Variants in KIF3C observed in about 807,000 individuals in gnomAD.
The protein encoded by KIF3C is kinesin family member 3C.
In KIF3C, 12 loss-of-function variants were observed where a neutral mutation model predicts 67.7. That is an observed-to-expected ratio of 0.18 (90% CI 0.11 to 0.29). The LOEUF (loss-of-function observed/expected upper bound fraction) is 0.29, where lower values mean the gene tolerates loss of function less well. Among genes scored for constraint, KIF3C ranks in the 10% least tolerant of loss-of-function variants. The pLI, the probability that KIF3C is intolerant of heterozygous loss-of-function variation, is 1.00. For synonymous variants in KIF3C, 393 were observed against 426.2 expected (o/e 0.92, Z 0.96); for missense variants, 789 against 1,059.6 (o/e 0.74, Z 3.55).
intron 7 of KIF3C, 100 bp downstream of exon 7, chr2:25,929,204 TG>T: frequency 6.9e-7 from 1 of 1,459,842 alleles, no homozygotes; most frequent in Non-Finnish European, 9.5e-7. Context: ...TTGCCCTTCC[TG>T]CCCTTCGGGT....
At position 25,927,102 on chromosome 2, in the gene KIF3C, G is replaced by A; in HGVS notation, c.*1876C>T. On this transcript the variant is annotated 3_prime_UTR_variant, in exon 8 of 8. Transcript: ENST00000264712. ...AGCTCCTCCTCCGACCATACCTCGG[G>A]CCCAGCCCTCGGACTGGGGGGGCTG... 6.5e-6 allele frequency: 1 copy of A among 152,756 alleles called. No individual in the cohort carries two copies. The highest frequency in any genetic ancestry group is 1.5e-5 in the Non-Finnish European group (1 of 68,060). The allele number at this position is 152,756 out of a possible 1,614,324, so 9.5% of individuals were successfully genotyped here.
chr2:25,939,119 C>G (rs995302604), intron 5 of KIF3C, among the ~76,000 whole-genome samples: 1 of 152,144 alleles, frequency 6.6e-6, no homozygotes, highest in Non-Finnish European at 1.5e-5. Flanking sequence ...AGGTGACAGC[C>G]ATCACATCTA....
chr2:25,981,754 G>A lies in KIF3C; in HGVS notation c.164C>T (p.Pro55Leu), dbSNP rs774980554. 1.2e-6 allele frequency: 2 copies of A among 1,613,764 alleles called. No homozygotes were observed. Among genetic ancestry groups the A allele is most frequent in the Non-Finnish European group, 1.7e-6 (2 of 1,179,850 alleles). ...CACGGCGTCAAAGGTGAAGGTCTTG[G>A]GCAGCTCCCCCGGGGCGGCGCGGGG... is the stretch of plus-strand genomic sequence containing the variant. ...RNPRAAPGEL[P>L]KTFTFDAVYD... Residue 55 changes from proline to leucine, a missense_variant, in exon 1 of 8, where the codon CCC becomes CTC. Transcript: ENST00000264712. The surrounding 1 kb of genome is among the most constrained non-coding windows in gnomAD (Gnocchi z 8.2).
At chr2:25,961,807 G>A (rs1480258147) in intron 1 of KIF3C, among the ~76,000 whole-genome samples, 7 of 152,164 alleles carry the variant, frequency 4.6e-5, no homozygotes, top group Non-Finnish European at 7.4e-5. Context: ...GGCTTAGGCC[G>A]GGCGCAGTGG....
chr2:25,981,311 C>T lies in KIF3C; in HGVS notation c.607G>A (p.Ala203Thr). The T allele has an allele frequency of 1.2e-6, 2 of 1,614,050 alleles. No homozygotes were observed. The change falls in exon 1 of 8, where the codon GCT (alanine) becomes ACT (threonine). Residue 203 changes from alanine (A) to threonine (T), a missense_variant. Ala to Thr is a moderately conservative substitution (Grantham distance 58, BLOSUM62 0). Transcript: ENST00000264712. This position sits in a 1 kb window ranked among gnomAD's most constrained non-coding sequence, Gnocchi z 8.2. ...TCATTCATGTGGGTGCTGCCCACAG[C>T]CCGGGTCTGGTTCCCCAGGTTCATC... ...HVMNLGNQTRAVGSTHMNEVS... is the reference protein window; with the variant it reads ...HVMNLGNQTRTVGSTHMNEVS...
At chr2:25,974,877 T>G (rs1165147869) in intron 1 of KIF3C, among the ~76,000 whole-genome samples, 1 of 151,698 alleles carries the variant, frequency 6.6e-6, no homozygotes, top group Non-Finnish European at 1.5e-5. Flanking sequence ...AAATATAAAA[T>G]TAGCTGGGTG....
intron 4 of KIF3C, among the ~76,000 whole-genome samples, chr2:25,952,995 G>A (rs1574487130): frequency 6.6e-6 from 1 of 152,022 alleles, no homozygotes; most frequent in East Asian, 1.9e-4. Flanking sequence ...GTGGCCAGGC[G>A]AGGTGGCTCA....
intron 1 of KIF3C, among the ~76,000 whole-genome samples, chr2:25,963,034 A>AAT (rs1553715969): frequency 8.0e-5 from 5 of 62,392 alleles, no homozygotes; most frequent in South Asian, 3.6e-4. Context: ...TATAATATAT[A>AAT]ATATATAATA....
At chr2:25,977,817 C>G (rs746867827) in intron 1 of KIF3C, among the ~76,000 whole-genome samples, 1 of 152,160 alleles carries the variant, frequency 6.6e-6, no homozygotes, top group Non-Finnish European at 1.5e-5. Flanking sequence ...TAGAAACATC[C>G]GACACTGAAC....
chr2:25,957,949 CACAG>C (rs1663850145), intron 1 of KIF3C, among the ~76,000 whole-genome samples: 1 of 152,200 alleles, frequency 6.6e-6, no homozygotes, highest in Non-Finnish European at 1.5e-5. Context: ...ATTGCCTTGC[CACAG>C]ACCTAAACCC....
At chr2:25,964,766 C>T (rs1162900499) in intron 1 of KIF3C, among the ~76,000 whole-genome samples, 2 of 152,208 alleles carry the variant, frequency 1.3e-5, no homozygotes, top group African/African-American at 4.8e-5. Flanking sequence ...ACCAACTCAC[C>T]CAGTTCTTGA....
rs1663268138 is a variant in KIF3C, at chr2:25,940,898, C to A, written c.2007-10835G>T. On this transcript the variant is annotated intron_variant, in intron 5 of 7. Coordinates refer to ENST00000264712, the MANE Select transcript of KIF3C (RefSeq NM_002254.8). ...AAACTCCTGACCTCAGGTTATCTGCCCGTCTCAGCCTCCCAAAGTGCTGGG... is the reference window on the plus strand; with the variant it reads ...AAACTCCTGACCTCAGGTTATCTGCACGTCTCAGCCTCCCAAAGTGCTGGG... Among the ~76,000 whole-genome samples, 3 of 151,950 alleles carry A rather than the reference C, an allele frequency of 2.0e-5. No individual in the cohort carries two copies. The South Asian group carries it at 6.2e-4, about 31-fold the overall frequency.
chr2:25,935,882 C>T (rs1161626911), intron 5 of KIF3C, among the ~76,000 whole-genome samples: 2 of 151,668 alleles, frequency 1.3e-5, no homozygotes, highest in Non-Finnish European at 2.9e-5. Flanking sequence ...TTGAGACCAT[C>T]CTGGCTAACA....
chr2:25,952,790 T>G (rs1420171158), intron 4 of KIF3C, among the ~76,000 whole-genome samples: 1 of 151,726 alleles, frequency 6.6e-6, no homozygotes, highest in Non-Finnish European at 1.5e-5. Context: ...ACTCCCGACC[T>G]CAGGTGATCC....
intron 5 of KIF3C, among the ~76,000 whole-genome samples, chr2:25,942,368 G>A (rs1663303754): frequency 6.6e-6 from 1 of 151,516 alleles, no homozygotes; most frequent in Non-Finnish European, 1.5e-5. Flanking sequence ...AAAAATAAAA[G>A]GTTGTACTTG....
chr2:25,937,118 A>G (rs1017031989), intron 5 of KIF3C, among the ~76,000 whole-genome samples: 1 of 152,224 alleles, frequency 6.6e-6, no homozygotes, highest in Admixed American at 6.5e-5. Context: ...TTTATTTTCA[A>G]TTCCACTTGC....
intron 1 of KIF3C, among the ~76,000 whole-genome samples, chr2:25,963,122 A>T (rs2149238466): frequency 9.5e-6 from 1 of 105,542 alleles, no homozygotes; most frequent in African/African-American, 3.6e-5. Context: ...ACATAGATAC[A>T]TGTATATGTA....
In KIF3C at chr2:25,980,420, G is replaced by C. The variant is rs1363515441; in HGVS notation, c.1498C>G (p.Leu500Val). The C allele has an allele frequency of 6.2e-7, 1 of 1,613,926 alleles. No homozygotes were observed. Among genetic ancestry groups the C allele is most frequent in the African/African-American group, 1.3e-5 (1 of 74,896 alleles). Residue 500 changes from leucine (L) to valine (V), a missense_variant, in exon 1 of 8, where the codon CTG becomes GTG. Physicochemically the swap from Leu to Val is conservative, Grantham distance 32 (BLOSUM62 1). Coordinates refer to ENST00000264712, the MANE Select transcript of KIF3C (RefSeq NM_002254.8). This position sits in a 1 kb window ranked among gnomAD's most constrained non-coding sequence, Gnocchi z 7.6. ...LEEKEKMLEDLRREQQATELL... is the reference protein window; with the variant it reads ...LEEKEKMLEDVRREQQATELL... Reference sequence around the variant, plus strand: ...TCTGTGGCCTGCTGTTCCCGCCGCAGGTCCTCCAGCATCTTCTCCTTCTCC... The same window carrying C: ...TCTGTGGCCTGCTGTTCCCGCCGCACGTCCTCCAGCATCTTCTCCTTCTCC...
At chr2:25,959,330 C>T (rs1663887607) in intron 1 of KIF3C, among the ~76,000 whole-genome samples, 1 of 152,190 alleles carries the variant, frequency 6.6e-6, no homozygotes, top group South Asian at 2.1e-4. Flanking sequence ...TGAGCTCCCT[C>T]ATGGCAGCAG....
Sources: allele counts gnomAD v4.1 joint callset (sites outside exome capture counted in the v4.1 genomes callset), GRCh38; gene constraint gnomAD v4.1.1; non-coding constraint Gnocchi (gnomAD v3.1); transcripts MANE v1.5; gene names NCBI Gene and HGNC (gene_info 2026-07-23, HGNC 2026-07-21).